DCPS: variants seen among roughly 807,000 people sequenced by gnomAD.
DCPS encodes the protein decapping enzyme, scavenger.
DCPS carries 27 observed loss-of-function variants against 34.7 expected under a neutral mutation model. That is an observed-to-expected ratio of 0.78 (90% CI 0.57 to 1.07). The LOEUF (loss-of-function observed/expected upper bound fraction) is 1.07, where lower values mean the gene tolerates loss of function less well. Among genes scored for constraint, DCPS ranks in the 50% least tolerant of loss-of-function variants. DCPS has a pLI of 0.00. For synonymous variants in DCPS, 185 were observed against 185.7 expected, an observed-to-expected ratio of 1.00 and a Z score of 0.03; for missense variants, 464 against 436.9, an observed-to-expected ratio of 1.06 and a Z score of -0.55.
At chr11:126,340,969 G>C (rs1256327245) in intron 4 of DCPS, 1 of 152,154 alleles carries the variant, frequency 6.6e-6, no homozygotes, top group Non-Finnish European at 1.5e-5. Context: ...GATATTCAGT[G>C]AAAGTATGCT....
At chr11:126,326,536 G>A (rs930264134) in intron 2 of DCPS, among the ~76,000 whole-genome samples, 3 of 152,164 alleles carry the variant, frequency 2.0e-5, no homozygotes, top group Non-Finnish European at 2.9e-5. Context: ...CTGAGGTTCC[G>A]AAAGGTATTG....
intron 2 of DCPS, among the ~76,000 whole-genome samples, chr11:126,316,995 G>T (rs536521274): frequency 3.3e-4 from 41 of 123,362 alleles, no homozygotes; most frequent in Non-Finnish European, 6.1e-4. Context: ...GTCTCGCTCT[G>T]TCACCCAGGC....
At chr11:126,306,548 C>T (rs1565370115) in intron 1 of DCPS, 22 bp from the exon 2 acceptor site, 1 of 1,580,972 alleles carries the variant, frequency 6.3e-7, no homozygotes, top group Non-Finnish European at 8.6e-7. Context: ...CTTGAGCCCA[C>T]TGATGATGCC....
rs899127296 is a variant in DCPS, at chr11:126,312,023, C to A, written c.376+5279C>A. Reference sequence around the variant, plus strand: ...TTGGCTTACTGCAACCCCTGCCTCCCGGGTTCGAGTGATTCTCCAGCCTCA... The same window carrying A: ...TTGGCTTACTGCAACCCCTGCCTCCAGGGTTCGAGTGATTCTCCAGCCTCA... On this transcript the variant is annotated intron_variant, in intron 2 of 5. Coordinates refer to ENST00000263579, the MANE Select transcript of DCPS (RefSeq NM_014026.6). This position sits in a 1 kb window ranked among gnomAD's most constrained non-coding sequence, Gnocchi z 5.1. 2.6e-5 allele frequency among the ~76,000 whole-genome samples: 4 copies of A among 152,142 alleles called. No individual in the cohort carries two copies. Among genetic ancestry groups the A allele is most frequent in the African/African-American group, 9.7e-5 (4 of 41,420 alleles).
chr11:126,305,875 G>T (rs1423648355), intron 1 of DCPS, among the ~76,000 whole-genome samples: 1 of 152,200 alleles, frequency 6.6e-6, no homozygotes, highest in East Asian at 1.9e-4. Context: ...CGAGCTAGGA[G>T]TCACTTGGGA....
rs2135329970 is a variant in DCPS, at chr11:126,334,529, A to G, written c.522+2979A>G. On this transcript the variant is annotated intron_variant, in intron 3 of 5. Coordinates refer to ENST00000263579, the MANE Select transcript of DCPS (RefSeq NM_014026.6). This position sits in a 1 kb window ranked among gnomAD's most constrained non-coding sequence, Gnocchi z 5.5. ...GGGCTAATTTTTGTATTTTTAGTAG[A>G]GACGGAGTTTCACCATGTTGGCCAG... Among the ~76,000 whole-genome samples, 1 of 152,192 alleles carries G rather than the reference A, an allele frequency of 6.6e-6. No individual in the cohort carries two copies. The highest frequency in any genetic ancestry group is 1.5e-5 in the Non-Finnish European group (1 of 68,010).
intron 2 of DCPS, among the ~76,000 whole-genome samples, chr11:126,317,676 G>A (rs1394315743): frequency 6.6e-6 from 1 of 152,212 alleles, no homozygotes; most frequent in Non-Finnish European, 1.5e-5. Context: ...TTAAAGACAT[G>A]CCTTCAGGCA....
In DCPS at chr11:126,335,139, C is replaced by T. The variant is rs541116952; in HGVS notation, c.523-3147C>T. ...GGGCAGAGCTAAGACACCTGGGAGA[C>T]GTGGCCAGGCCACACATGGCTGGAG... On this transcript the variant is annotated intron_variant, in intron 3 of 5. Transcript: ENST00000263579. The surrounding 1 kb of genome is among the most constrained non-coding windows in gnomAD (Gnocchi z 4.8). 5.3e-5 allele frequency among the ~76,000 whole-genome samples: 8 copies of T among 152,334 alleles called. No individual in the cohort carries two copies. The highest frequency in any genetic ancestry group is 3.4e-3 in the Middle Eastern group (1 of 294).
Position 126,333,364 on chromosome 11 carries a change from A to G in DCPS, c.522+1814A>G, listed in dbSNP as rs1951806473. On this transcript the variant is annotated intron_variant, in intron 3 of 5. Coordinates refer to ENST00000263579, the MANE Select transcript of DCPS (RefSeq NM_014026.6). This position sits in a 1 kb window ranked among gnomAD's most constrained non-coding sequence, Gnocchi z 5.7. ...TGCCAGGCTTTGGAGAGTCACCAAG[A>G]TGATGAAACCTAGACAGGATCTTCA... Among the ~76,000 whole-genome samples, 1 of 152,228 alleles carries G rather than the reference A, an allele frequency of 6.6e-6. No homozygotes were observed. Among genetic ancestry groups the G allele is most frequent in the African/African-American group, 2.4e-5 (1 of 41,458 alleles).
At position 126,337,485 on chromosome 11, in the gene DCPS, A is replaced by G. The variant is rs1951840924; in HGVS notation, c.523-801A>G. On this transcript the variant is annotated intron_variant, in intron 3 of 5. Coordinates refer to ENST00000263579, the MANE Select transcript of DCPS (RefSeq NM_014026.6). The surrounding 1 kb of genome is among the most constrained non-coding windows in gnomAD (Gnocchi z 5.3). ...CAGGCCTCCAGGACCATCTCTGTAAAGTAATGTCCTTGGGTCAACACAGGC... is the reference window on the plus strand; with the variant it reads ...CAGGCCTCCAGGACCATCTCTGTAAGGTAATGTCCTTGGGTCAACACAGGC... 1 of 152,240 alleles carries G rather than the reference A, an allele frequency of 6.6e-6. No homozygotes were observed. The highest frequency in any genetic ancestry group is 2.4e-5 in the African/African-American group (1 of 41,434). The allele number at this position is 152,240 out of a possible 1,614,324, so 9.4% of individuals were successfully genotyped here.
At chr11:126,304,716 T>C (rs1349443405) in intron 1 of DCPS, among the ~76,000 whole-genome samples, 1 of 152,160 alleles carries the variant, frequency 6.6e-6, no homozygotes, top group Non-Finnish European at 1.5e-5. Flanking sequence ...GAGAACAATA[T>C]ATTATAATTG....
intron 2 of DCPS, among the ~76,000 whole-genome samples, chr11:126,307,368 T>C (rs1591380107): frequency 6.8e-6 from 1 of 148,040 alleles, no homozygotes; most frequent in Non-Finnish European, 1.5e-5. Flanking sequence ...CTTGTTGTAG[T>C]GTAGTATGTT....
chr11:126,304,183 G>A lies in DCPS; in HGVS notation c.103G>A (p.Gly35Ser). ...GGAAAAGGAGGCAGGAGTTGGAAATGGTACCTGTGCTCCTGTCCGCTTACC... is the reference window on the plus strand; with the variant it reads ...GGAAAAGGAGGCAGGAGTTGGAAATAGTACCTGTGCTCCTGTCCGCTTACC... Reference protein sequence around the residue: ...TEEKEAGVGNGTCAPVRLPFS... With the variant: ...TEEKEAGVGNSTCAPVRLPFS... The change falls in exon 1 of 6, where the codon GGT (glycine) becomes AGT (serine). Residue 35 changes from glycine (G) to serine (S), a missense_variant. Coordinates refer to ENST00000263579, the MANE Select transcript of DCPS (RefSeq NM_014026.6). 1.2e-6 allele frequency: 2 copies of A among 1,614,254 alleles called. No individual in the cohort carries two copies. The highest frequency in any genetic ancestry group is 2.2e-5 in the East Asian group (1 of 44,884).
rs377597972 is a variant in DCPS at position 126,331,845 on chromosome 11, T to C, written c.522+295T>C. 3.9e-5 allele frequency among the ~76,000 whole-genome samples: 6 copies of C among 152,222 alleles called. No individual in the cohort carries two copies. In the East Asian group the frequency reaches 7.7e-4, roughly 20 times the overall value. On this transcript the variant is annotated intron_variant, in intron 3 of 5. Transcript: ENST00000263579. The surrounding 1 kb of genome is among the most constrained non-coding windows in gnomAD (Gnocchi z 7.2). The stretch of plus-strand genomic sequence containing the variant: ...GGACCAGAAGGCCTGGGGCGGGCAA[T>C]TGCCATTTTATATCGCATGGCGAGA...
At position 126,348,185 on chromosome 11, in the gene DCPS, A is replaced by G. The variant is rs945444451; in HGVS notation, c.*2572A>G. Among the ~76,000 whole-genome samples the G allele has an allele frequency of 6.6e-6, 1 of 152,154 alleles. No individual in the cohort carries two copies. Among genetic ancestry groups the G allele is most frequent in the African/African-American group, 2.4e-5 (1 of 41,426 alleles). On this transcript the variant is annotated 3_prime_UTR_variant, in exon 6 of 6. Coordinates refer to ENST00000263579, the MANE Select transcript of DCPS (RefSeq NM_014026.6). The surrounding 1 kb of genome is among the most constrained non-coding windows in gnomAD (Gnocchi z 5.3). Reference sequence around the variant, plus strand: ...GCAGAGGGCAGGCACTCAGGTCTGGAGAGGCAGGGCATGGAGACAGGGACC... The same window carrying G: ...GCAGAGGGCAGGCACTCAGGTCTGGGGAGGCAGGGCATGGAGACAGGGACC...
Position 126,322,444 on chromosome 11 carries a change from A to G in DCPS, c.377-8961A>G, listed in dbSNP as rs1200233659. On this transcript the variant is annotated intron_variant, in intron 2 of 5. Coordinates refer to ENST00000263579, the MANE Select transcript of DCPS (RefSeq NM_014026.6). This position sits in a 1 kb window ranked among gnomAD's most constrained non-coding sequence, Gnocchi z 4.2. ...ACGCCCGGCTCATTTTTGTATTTTT[A>G]GTAGAGATGGGGTTTCGCCATGTTG... Among the ~76,000 whole-genome samples, 2 of 150,752 alleles carry G rather than the reference A, an allele frequency of 1.3e-5. No homozygotes were observed. Among genetic ancestry groups the G allele is most frequent in the Non-Finnish European group, 3.0e-5 (2 of 67,724 alleles).
At position 126,304,126 on chromosome 11, in the gene DCPS, G is replaced by A; in HGVS notation, c.46G>A (p.Asp16Asn). 1 of 1,613,934 alleles carries A rather than the reference G, an allele frequency of 6.2e-7. No individual in the cohort carries two copies. The highest frequency in any genetic ancestry group is 8.5e-7 in the Non-Finnish European group (1 of 1,179,934). ...PQLGKRKREL[D>N]VEEAHAASTE... ...ACTAGGCAAGAGGAAGCGCGAATTG[G>A]ACGTGGAGGAGGCCCACGCCGCCAG... Residue 16 changes from aspartate (D) to asparagine (N), a missense_variant, in exon 1 of 6, where the codon GAC (aspartate) becomes AAC (asparagine). Transcript: ENST00000263579.
In DCPS at chr11:126,345,708, T is replaced by C. The variant is rs1951919905; in HGVS notation, c.*95T>C. On this transcript the variant is annotated 3_prime_UTR_variant, in exon 6 of 6. Coordinates refer to ENST00000263579, the MANE Select transcript of DCPS (RefSeq NM_014026.6). This position sits in a 1 kb window ranked among gnomAD's most constrained non-coding sequence, Gnocchi z 7.4. ...AAGTGAATTTTCTAAAAATGTATTT[T>C]ATACCGGCTTATTCCTAGTATTGAA... is the stretch of plus-strand genomic sequence containing the variant. 8 of 1,523,870 alleles carry C rather than the reference T, an allele frequency of 5.2e-6. No homozygotes were observed. The highest frequency in any genetic ancestry group is 2.5e-5 in the South Asian group (2 of 80,100). 94.4% of individuals were successfully genotyped at this position (1,523,870 alleles called of 1,614,324 possible). A position where few individuals can be genotyped will look rare whatever the true frequency, so the allele number is the denominator to read the frequency against.
Position 126,331,401 on chromosome 11 carries a change from G to A in DCPS, c.377-4G>A, listed in dbSNP as rs1268132262. 1.9e-6 allele frequency: 3 copies of A among 1,613,902 alleles called. No individual in the cohort carries two copies. Reference sequence around the variant, plus strand: ...CTGTCACGGGCTGTGCTGTATCATTGCAGATGTAAAGACGACCGTGGTTTA... The same window carrying A: ...CTGTCACGGGCTGTGCTGTATCATTACAGATGTAAAGACGACCGTGGTTTA... On this transcript the variant is annotated splice_polypyrimidine_tract_variant and splice_region_variant and intron_variant, in intron 2 of 5. Transcript: ENST00000263579. The surrounding 1 kb of genome is among the most constrained non-coding windows in gnomAD (Gnocchi z 7.2).
Sources: gnomAD v4.1 joint callset for allele counts (sites outside exome capture counted in the v4.1 genomes callset) on GRCh38, gnomAD v4.1.1 for gene constraint, Gnocchi (gnomAD v3.1) non-coding constraint, MANE v1.5 for transcripts, NCBI Gene and HGNC (gene_info 2026-07-23, HGNC 2026-07-21) for gene names.